The following FGGY variants were observed in gnomAD, a reference collection of about 807,000 sequenced individuals.
The protein encoded by FGGY is FGGY carbohydrate kinase domain-containing protein.
FGGY carries 72 observed loss-of-function variants against 71.3 expected under a neutral mutation model. That is an observed-to-expected ratio of 1.01 (90% CI 0.84 to 1.23). The LOEUF (loss-of-function observed/expected upper bound fraction) is 1.23. Among genes scored for constraint, FGGY ranks in the 50% most tolerant of loss-of-function variants. The probability of loss-of-function intolerance (pLI) is 0.00; values close to 1 mark genes in which losing one functional copy is unlikely to be tolerated. For missense variants in FGGY, 668 were observed against 682.3 expected (o/e 0.98, Z 0.23); for synonymous variants, 251 against 250.3 (o/e 1.00, Z -0.02).
At chr1:59,698,812 A>G in intron 14 of FGGY, 1 of 985,386 alleles carries the variant, frequency 1.0e-6, no homozygotes, top group Non-Finnish European at 1.2e-6. Context: ...CGTGTACTTA[A>G]TTTTTAATAT....
intron 2 of FGGY, among the ~76,000 whole-genome samples, chr1:59,322,500 C>T (rs1382631972): frequency 6.6e-6 from 1 of 152,086 alleles, no homozygotes; most frequent in Admixed American, 6.6e-5. Flanking sequence ...ATACCTTTGC[C>T]TCCGAGGTGC....
chr1:59,613,936 A>G (rs1214598552), intron 9 of FGGY, among the ~76,000 whole-genome samples: 1 of 152,138 alleles, frequency 6.6e-6, no homozygotes, highest in African/African-American at 2.4e-5. Context: ...TACCCTCCCA[A>G]GACTAAACCA....
chr1:59,518,601 C>T (rs1262739139), intron 7 of FGGY, among the ~76,000 whole-genome samples: 2 of 152,148 alleles, frequency 1.3e-5, no homozygotes, highest in African/African-American at 4.8e-5. Context: ...GCATCATCCC[C>T]TTGGTGCTGT....
At chr1:59,525,772 A>G (rs2094959667) in intron 7 of FGGY, among the ~76,000 whole-genome samples, 1 of 151,894 alleles carries the variant, frequency 6.6e-6, no homozygotes, top group South Asian at 2.1e-4. Flanking sequence ...ACGTTCATAA[A>G]CTCCCATTTA....
chr1:59,417,889 A>G (rs1441106370), intron 5 of FGGY, among the ~76,000 whole-genome samples: 1 of 152,210 alleles, frequency 6.6e-6, no homozygotes, highest in Non-Finnish European at 1.5e-5. Flanking sequence ...TACTGGCCAC[A>G]TTTCAAGTGC....
At chr1:59,567,630 A>G (rs896752353) in intron 8 of FGGY, among the ~76,000 whole-genome samples, 1 of 151,888 alleles carries the variant, frequency 6.6e-6, no homozygotes, top group Non-Finnish European at 1.5e-5. Flanking sequence ...CTTGGAAGAC[A>G]GGGCATAGCT....
At chr1:59,519,750 C>T (rs527816464) in intron 7 of FGGY, among the ~76,000 whole-genome samples, 5 of 152,182 alleles carry the variant, frequency 3.3e-5, no homozygotes, top group African/African-American at 7.2e-5. Flanking sequence ...TTGCTCCTCA[C>T]GATAAGCCTA....
At chr1:59,469,576 T>C (rs1239641486) in intron 6 of FGGY, among the ~76,000 whole-genome samples, 1 of 152,232 alleles carries the variant, frequency 6.6e-6, no homozygotes, top group African/African-American at 2.4e-5. Context: ...TGTTTTAATA[T>C]GCTGAGCTTT....
At chr1:59,761,478 A>G (rs2098340363) in intron 15 of FGGY, among the ~76,000 whole-genome samples, 1 of 152,206 alleles carries the variant, frequency 6.6e-6, no homozygotes, top group Admixed American at 6.5e-5. Flanking sequence ...ATTGAGCAAG[A>G]CATGCTAAAC....
At chr1:59,383,369 T>C (rs1213870820) in intron 5 of FGGY, among the ~76,000 whole-genome samples, 1 of 152,184 alleles carries the variant, frequency 6.6e-6, no homozygotes, top group African/African-American at 2.4e-5. Flanking sequence ...GAGTGAGAGA[T>C]TGGAAGTGTT....
At chr1:59,700,990 A>G (rs996372417) in intron 14 of FGGY, among the ~76,000 whole-genome samples, 1 of 152,164 alleles carries the variant, frequency 6.6e-6, no homozygotes, top group Non-Finnish European at 1.5e-5. Flanking sequence ...TAAGGAGAAT[A>G]CTGTGGGGCT....
In FGGY at chr1:59,572,766, A is replaced by G. The variant is rs544868532; in HGVS notation, c.903+18539A>G. Among the ~76,000 whole-genome samples the G allele has an allele frequency of 2.6e-5, 4 of 152,298 alleles. No individual in the cohort carries two copies. In the South Asian group the frequency reaches 8.3e-4, roughly 32 times the overall value. On this transcript the variant is annotated intron_variant, in intron 8 of 15. Transcript: ENST00000303721. ...TGCAGGGCAAACACAATAGAGGCTT[A>G]TTAGGTATCTCACCCAAACTCCTAA...
At chr1:59,448,468 GCAA>G (rs2071846344) in intron 5 of FGGY, among the ~76,000 whole-genome samples, 1 of 152,100 alleles carries the variant, frequency 6.6e-6, no homozygotes, top group South Asian at 2.1e-4. Flanking sequence ...AATGGTCTAT[GCAA>G]GGAACCCAGT....
chr1:59,730,516 G>A (rs1372748140), intron 14 of FGGY, among the ~76,000 whole-genome samples: 1 of 152,120 alleles, frequency 6.6e-6, no homozygotes, highest in African/African-American at 2.4e-5. Flanking sequence ...AAGTAAGCGG[G>A]CCAATAAATA....
At chr1:59,351,283 T>C (rs1194485392) in intron 4 of FGGY, among the ~76,000 whole-genome samples, 3 of 152,200 alleles carry the variant, frequency 2.0e-5, no homozygotes, top group Non-Finnish European at 4.4e-5. Context: ...TGCCGACCCC[T>C]GGTCTTGACA....
intron 9 of FGGY, among the ~76,000 whole-genome samples, chr1:59,625,180 A>G (rs1260811783): frequency 1.8e-4 from 28 of 152,178 alleles, no homozygotes; most frequent in Admixed American, 1.8e-3. Flanking sequence ...TTCAGAAAAT[A>G]TACAGATGAG....
chr1:59,638,012 A>T (rs935240588), intron 10 of FGGY, among the ~76,000 whole-genome samples: 6 of 152,112 alleles, frequency 3.9e-5, no homozygotes, highest in South Asian at 2.1e-4. Flanking sequence ...CCATTCCTGG[A>T]TCCAGTCTTC....
intron 6 of FGGY, among the ~76,000 whole-genome samples, chr1:59,503,497 T>A (rs2094289464): frequency 6.6e-6 from 1 of 151,156 alleles, no homozygotes; most frequent in Admixed American, 6.6e-5. Context: ...ATCTACAATA[T>A]CTTGCCACTG....
chr1:59,323,993 C>G (rs2046872781), intron 2 of FGGY, among the ~76,000 whole-genome samples: 1 of 152,162 alleles, frequency 6.6e-6, no homozygotes, highest in African/African-American at 2.4e-5. Flanking sequence ...AAACACTGGT[C>G]TAGGGCAAAG....
Sources: allele counts gnomAD v4.1 joint callset (sites outside exome capture counted in the v4.1 genomes callset), GRCh38; gene constraint gnomAD v4.1.1; transcripts MANE v1.5; gene names NCBI Gene and HGNC (gene_info 2026-07-23, HGNC 2026-07-21).